TNR: variants seen among roughly 807,000 people sequenced by gnomAD.
TNR encodes the protein tenascin-R.
TNR carries 45 observed loss-of-function variants against 150.4 expected under a neutral mutation model. The observed-to-expected ratio is 0.30, with a 90% confidence interval of 0.24 to 0.38. The LOEUF (loss-of-function observed/expected upper bound fraction) is 0.38. TNR is among the 10% of genes least tolerant of loss of function. TNR has a pLI of 1.00. For synonymous variants in TNR, 687 were observed against 678.4 expected (o/e 1.01, Z -0.20); for missense variants, 1,544 against 1,759.1 (o/e 0.88, Z 2.19).
At chr1:175,402,479 TG>T (rs1238632968) in intron 4 of TNR, among the ~76,000 whole-genome samples, 2 of 152,156 alleles carry the variant, frequency 1.3e-5, no homozygotes, top group Non-Finnish European at 2.9e-5. Flanking sequence ...GATAGTCATC[TG>T]GAACAAAGTG....
rs566156111 is a variant in TNR, at chr1:175,396,908, A to G, written c.977-101T>C. On this transcript the variant is annotated intron_variant, in intron 4 of 22. Coordinates refer to ENST00000367674, the MANE Select transcript of TNR (RefSeq NM_003285.3). ...ACATCTCACCCCCCATGCCATGTCT[A>G]TATGTCCTGCTGGGCTCAATGGCTT... 803 of 1,462,086 alleles carry G rather than the reference A, an allele frequency of 5.5e-4. 1 individual carries two copies. Among genetic ancestry groups the G allele is most frequent in the Non-Finnish European group, 6.1e-4 (655 of 1,075,374 alleles). The allele number at this position is 1,462,086 out of a possible 1,614,324, so 90.6% of individuals were successfully genotyped here.
At chr1:175,356,559 G>C in intron 15 of TNR, 97 bp from the exon 16 acceptor site, 1 of 1,455,072 alleles carries the variant, frequency 6.9e-7, no homozygotes, top group Non-Finnish European at 9.2e-7. Flanking sequence ...TTTACTACTA[G>C]AGAATTTTGG....
intron 21 of TNR, among the ~76,000 whole-genome samples, chr1:175,324,754 G>T (rs7550871): frequency 2.0e-5 from 3 of 152,116 alleles, no homozygotes; most frequent in Admixed American, 6.5e-5. Context: ...CCTTTGCTGA[G>T]AATTTTCTCC....
chr1:175,370,507 C>G (rs1484524518), intron 9 of TNR, among the ~76,000 whole-genome samples: 1 of 151,864 alleles, frequency 6.6e-6, no homozygotes, highest in East Asian at 1.9e-4. Context: ...TCAGGGAGTC[C>G]AGGTGGCAGT....
chr1:175,339,387 T>G (rs1650406276), intron 18 of TNR, among the ~76,000 whole-genome samples: 1 of 152,222 alleles, frequency 6.6e-6, no homozygotes, highest in South Asian at 2.1e-4. Flanking sequence ...CTGATTTCCT[T>G]AATAGCTGCA....
In TNR at chr1:175,685,602, T is replaced by C. The variant is rs549765878; in HGVS notation, c.-165+57624A>G. On this transcript the variant is annotated intron_variant, in intron 1 of 22. Transcript: ENST00000367674. ...AGGAGCAGGATAAGAAGGTGTGTCTTGGCTTGGTTCAATTTGTCGCCTTTA... is the reference window on the plus strand; with the variant it reads ...AGGAGCAGGATAAGAAGGTGTGTCTCGGCTTGGTTCAATTTGTCGCCTTTA... Among the ~76,000 whole-genome samples, 156 of 152,254 alleles carry C rather than the reference T, an allele frequency of 1.0e-3. 1 individual carries two copies. The South Asian group carries it at 0.031, about 30-fold the overall frequency.
At chr1:175,414,525 C>T (rs1654350408) in intron 2 of TNR, among the ~76,000 whole-genome samples, 1 of 152,186 alleles carries the variant, frequency 6.6e-6, no homozygotes, top group Non-Finnish European at 1.5e-5. Flanking sequence ...CGTGCATTTC[C>T]ATTGATTCAT....
intron 1 of TNR, among the ~76,000 whole-genome samples, chr1:175,657,453 A>G (rs886720742): frequency 2.0e-5 from 3 of 152,156 alleles, no homozygotes; most frequent in Admixed American, 1.3e-4. Context: ...TCATGCTGCT[A>G]TCAAGACACA....
At chr1:175,594,526 C>T (rs1662928803) in intron 1 of TNR, among the ~76,000 whole-genome samples, 1 of 152,040 alleles carries the variant, frequency 6.6e-6, no homozygotes, top group Admixed American at 6.6e-5. Flanking sequence ...ATCTGTTGCA[C>T]ATATATAATA....
chr1:175,411,392 T>A (rs1654208223), intron 2 of TNR, among the ~76,000 whole-genome samples: 1 of 152,198 alleles, frequency 6.6e-6, no homozygotes, highest in African/African-American at 2.4e-5. Flanking sequence ...GCTAACCCAC[T>A]ATAATATGGC....
chr1:175,502,073 G>T (rs75056825), intron 2 of TNR, among the ~76,000 whole-genome samples: 1,683 of 152,234 alleles, frequency 0.011, 27 homozygotes, highest in African/African-American at 0.038. Flanking sequence ...CAGAACAATG[G>T]GTTCCAAACA....
chr1:175,326,175 G>A (rs1010756790), intron 21 of TNR, among the ~76,000 whole-genome samples: 2 of 152,070 alleles, frequency 1.3e-5, no homozygotes, highest in African/African-American at 2.4e-5. Context: ...TTGTGCAGGG[G>A]GCTCAGGTAA....
chr1:175,374,256 C>G (rs1652263212), intron 9 of TNR, among the ~76,000 whole-genome samples: 1 of 152,198 alleles, frequency 6.6e-6, no homozygotes, highest in African/African-American at 2.4e-5. Context: ...CCAGTGTACC[C>G]TGAGGAGCCG....
In TNR at chr1:175,324,353, T is replaced by C; in HGVS notation, c.3957+3A>G. On this transcript the variant is annotated splice_donor_region_variant and intron_variant, in intron 22 of 22. Transcript: ENST00000367674. ...TTCATAGCAGAGGTGGAGCATCGCTTACCTGACTGTGCCTGGACTCCCCGT... is the reference window on the plus strand; with the variant it reads ...TTCATAGCAGAGGTGGAGCATCGCTCACCTGACTGTGCCTGGACTCCCCGT... 4 of 1,612,968 alleles carry C rather than the reference T, an allele frequency of 2.5e-6. No homozygotes were observed. The highest frequency in any genetic ancestry group is 3.4e-6 in the Non-Finnish European group (4 of 1,179,676).
rs1287540595 is a variant in TNR, at chr1:175,362,792, A to T, written c.2725T>A (p.Ser909Thr). ...RPTQVGRLDS[S>T]VVPNTVTEFT... ...TCTGTCACAGTGTTGGGCACCACTG[A>T]GCTGTCTAGTCGTCCCACTGGAGAA... Residue 909 changes from serine to threonine, a missense_variant, in exon 14 of 23, where the codon TCA (serine) becomes ACA (threonine). Around this residue, in one of 2 missense-constraint regions of TNR, gnomAD observed 1,254 missense variants for 1,329.4 expected, o/e 0.94. Transcript: ENST00000367674. 6.2e-7 allele frequency: 1 copy of T among 1,614,086 alleles called. No homozygotes were observed. The highest frequency in any genetic ancestry group is 8.5e-7 in the Non-Finnish European group (1 of 1,179,986).
chr1:175,553,826 AC>A (rs1661043784), intron 1 of TNR, among the ~76,000 whole-genome samples: 1 of 151,268 alleles, frequency 6.6e-6, no homozygotes, highest in African/African-American at 2.4e-5. Flanking sequence ...AAACACACAC[AC>A]ACACACACAC....
At position 175,419,772 on chromosome 1, in the gene TNR, G is replaced by A. The variant is rs531255042; in HGVS notation, c.-63-12995C>T. The stretch of plus-strand genomic sequence containing the variant: ...GCTGAAATTACAAGTGTGAGCCACC[G>A]CACCTGGCCCCAGTCCCCTTTTACT... On this transcript the variant is annotated intron_variant, in intron 2 of 22. Coordinates refer to ENST00000367674, the MANE Select transcript of TNR (RefSeq NM_003285.3). Among the ~76,000 whole-genome samples, 4 of 152,218 alleles carry A rather than the reference G, an allele frequency of 2.6e-5. No homozygotes were observed. In the East Asian group the frequency reaches 7.7e-4, roughly 29 times the overall value.
chr1:175,636,868 A>G (rs1354059077), intron 1 of TNR, among the ~76,000 whole-genome samples: 1 of 152,248 alleles, frequency 6.6e-6, no homozygotes, highest in East Asian at 1.9e-4. Context: ...TATGTCAACA[A>G]CACTATTCAA....
chr1:175,579,845 G>A (rs963866955), intron 1 of TNR, among the ~76,000 whole-genome samples: 1 of 152,028 alleles, frequency 6.6e-6, no homozygotes, highest in Non-Finnish European at 1.5e-5. Flanking sequence ...GGCAGGTCCT[G>A]CCTTTTATCC....
Sources: allele counts gnomAD v4.1 joint callset (sites outside exome capture counted in the v4.1 genomes callset), GRCh38; gene constraint gnomAD v4.1.1; regional missense constraint gnomAD v4.1.1; transcripts MANE v1.5; gene names NCBI Gene and HGNC (gene_info 2026-07-23, HGNC 2026-07-21).